Variants in SLC4A4 observed in about 807,000 individuals in gnomAD.
SLC4A4 encodes the protein solute carrier family 4 member 4, also known as electrogenic sodium bicarbonate cotransporter 1.
A neutral mutation model predicts 111.5 loss-of-function variants in SLC4A4; 27 were observed. That is an observed-to-expected ratio of 0.24 (90% CI 0.18 to 0.33). SLC4A4 has a LOEUF of 0.33. SLC4A4 is among the 10% of genes least tolerant of loss of function. The pLI is 1.00. For synonymous variants in SLC4A4, 443 were observed against 463.4 expected (o/e 0.96, Z 0.57); for missense variants, 909 against 1,315.5 (o/e 0.69, Z 4.78).
chr4:71,064,133 T>C (rs556891918), intron 1 of SLC4A4, among the ~76,000 whole-genome samples: 1 of 152,318 alleles, frequency 6.6e-6, no homozygotes, highest in South Asian at 2.1e-4. Flanking sequence ...AATCCACATT[T>C]CTGTGATTTC....
At chr4:71,409,179 A>T (rs1721137932) in intron 7 of SLC4A4, among the ~76,000 whole-genome samples, 1 of 152,214 alleles carries the variant, frequency 6.6e-6, no homozygotes, top group African/African-American at 2.4e-5. Context: ...GTAAACTGGT[A>T]CCAGAAGTGG....
chr4:71,131,241 A>G (rs1442872270), intron 2 of SLC4A4, among the ~76,000 whole-genome samples: 2 of 152,172 alleles, frequency 1.3e-5, no homozygotes, highest in African/African-American at 2.4e-5. Context: ...CTTTTTAAGC[A>G]TCCTTCTGTT....
At chr4:71,292,922 A>G (rs1724485395) in intron 3 of SLC4A4, among the ~76,000 whole-genome samples, 1 of 146,210 alleles carries the variant, frequency 6.8e-6, no homozygotes, top group Admixed American at 6.9e-5. Flanking sequence ...GCTCACTGCA[A>G]CCTCTGCCCT....
At chr4:71,175,951 C>T (rs559838106) in intron 2 of SLC4A4, among the ~76,000 whole-genome samples, 5 of 152,210 alleles carry the variant, frequency 3.3e-5, no homozygotes, top group Admixed American at 6.5e-5. Flanking sequence ...TGACACCTCA[C>T]ATGGCCGGGT....
chr4:71,531,483 G>A (rs892016553), intron 16 of SLC4A4, among the ~76,000 whole-genome samples: 5 of 151,954 alleles, frequency 3.3e-5, no homozygotes, highest in Non-Finnish European at 7.4e-5. Flanking sequence ...ACATTACTTT[G>A]AGGTCTTGAT....
chr4:71,377,070 T>C (rs996075285), intron 6 of SLC4A4, among the ~76,000 whole-genome samples: 1 of 152,266 alleles, frequency 6.6e-6, no homozygotes, highest in Admixed American at 6.5e-5. Flanking sequence ...TGGTTTATTG[T>C]TAAAGTGAAT....
rs368362424 is a variant in SLC4A4, at chr4:71,419,696, C to T, written c.808-20920C>T. Among the ~76,000 whole-genome samples, 16 of 152,338 alleles carry T rather than the reference C, an allele frequency of 1.1e-4. No individual in the cohort carries two copies. The South Asian group carries it at 2.5e-3, about 24-fold the overall frequency. ...CCTTCGGCTCGTGCACGGTGCGCTG[C>T]ACCTACTGACCTGCACCCACTATCT... On this transcript the variant is annotated intron_variant, in intron 7 of 25. Coordinates refer to ENST00000264485, the MANE Select transcript of SLC4A4 (RefSeq NM_001098484.3).
chr4:71,205,416 C>T lies in SLC4A4; in HGVS notation c.-2+18015C>T, dbSNP rs187006825. Among the ~76,000 whole-genome samples the T allele has an allele frequency of 3.3e-5, 5 of 152,260 alleles. No homozygotes were observed. The East Asian group carries it at 5.8e-4, about 18-fold the overall frequency. On this transcript the variant is annotated intron_variant, in intron 1 of 25. Coordinates refer to ENST00000264485, the MANE Select transcript of SLC4A4 (RefSeq NM_001098484.3). ...TGTCATTTTAAGGAGGTAAGGCCCC[C>T]CCATCCCCCAAATCAGAAGTGTCAG...
chr4:71,259,784 T>G (rs1333324370), intron 3 of SLC4A4, among the ~76,000 whole-genome samples: 1 of 152,130 alleles, frequency 6.6e-6, no homozygotes, highest in African/African-American at 2.4e-5. Context: ...CCCATTTTGT[T>G]AGTGTCCAGG....
intron 4 of SLC4A4, among the ~76,000 whole-genome samples, chr4:71,346,292 CG>C (rs943836812): frequency 2.6e-5 from 4 of 152,052 alleles, no homozygotes; most frequent in South Asian, 2.1e-4. Context: ...AAGGTTAAAA[CG>C]GTTTTGTAAT....
chr4:71,518,849 C>A (rs1178460255), intron 16 of SLC4A4, among the ~76,000 whole-genome samples: 1 of 152,068 alleles, frequency 6.6e-6, no homozygotes, highest in Non-Finnish European at 1.5e-5. Context: ...TGTGGTTGAT[C>A]CTAGAGTCTG....
At chr4:71,520,155 G>A (rs529602809) in intron 16 of SLC4A4, among the ~76,000 whole-genome samples, 145 of 152,080 alleles carry the variant, frequency 9.5e-4, no homozygotes, top group Non-Finnish European at 1.9e-3. Context: ...GCTATTTTTA[G>A]TTCCTTCCTC....
intron 23 of SLC4A4, among the ~76,000 whole-genome samples, chr4:71,561,446 C>T (rs1043379870): frequency 6.6e-6 from 1 of 151,778 alleles, no homozygotes; most frequent in Non-Finnish European, 1.5e-5. Flanking sequence ...CCAGGCCTCT[C>T]TGGTTATTTC....
chr4:71,553,783 C>G (rs541280586), intron 20 of SLC4A4, among the ~76,000 whole-genome samples: 5 of 151,882 alleles, frequency 3.3e-5, no homozygotes, highest in African/African-American at 1.2e-4. Flanking sequence ...AATAAAGAGG[C>G]TTGAGTGTGA....
chr4:71,244,862 T>C (rs79542527), intron 2 of SLC4A4, among the ~76,000 whole-genome samples: 2,595 of 151,998 alleles, frequency 0.017, 59 homozygotes, highest in African/African-American at 0.054. Flanking sequence ...CTTATGTGTA[T>C]CATTGAATGT....
At chr4:71,496,962 T>C (rs922283320) in intron 15 of SLC4A4, among the ~76,000 whole-genome samples, 2 of 152,164 alleles carry the variant, frequency 1.3e-5, no homozygotes, top group African/African-American at 4.8e-5. Flanking sequence ...CATATTTTTA[T>C]ACTTTAATTG....
intron 2 of SLC4A4, among the ~76,000 whole-genome samples, chr4:71,250,812 A>T (rs1424400208): frequency 1.3e-5 from 2 of 152,192 alleles, no homozygotes; most frequent in African/African-American, 2.4e-5. Flanking sequence ...GCACTGTACT[A>T]GTCTTGATAC....
At chr4:71,346,296 T>A (rs1729324068) in intron 4 of SLC4A4, among the ~76,000 whole-genome samples, 1 of 152,106 alleles carries the variant, frequency 6.6e-6, no homozygotes, top group South Asian at 2.1e-4. Context: ...TTAAAACGGT[T>A]TTGTAATTGC....
intron 6 of SLC4A4, among the ~76,000 whole-genome samples, chr4:71,394,578 A>G (rs113791741): frequency 0.022 from 3,415 of 152,250 alleles, 62 homozygotes; most frequent in South Asian, 0.033. Context: ...TACAGCTGCT[A>G]TGGAAAACTG....
Sources: gnomAD v4.1 joint callset for allele counts (sites outside exome capture counted in the v4.1 genomes callset) on GRCh38, gnomAD v4.1.1 for gene constraint, MANE v1.5 for transcripts, NCBI Gene and HGNC (gene_info 2026-07-23, HGNC 2026-07-21) for gene names.